ZNF568: variants seen among roughly 807,000 people sequenced by gnomAD.
ZNF568 encodes the protein zinc finger protein 568.
Under a neutral mutation model 18.1 loss-of-function variants are expected in ZNF568, and 11 were observed. The ratio of observed to expected loss-of-function variants is 0.61; its 90% CI spans 0.38 to 1.00. The LOEUF is 1.00. ZNF568 is among the 50% of genes least tolerant of loss of function. The pLI is 0.01. For missense variants in ZNF568, 639 were observed against 768.2 expected (o/e 0.83, Z 1.99); for synonymous variants, 213 against 246.6 (o/e 0.86, Z 1.28).
chr19:36,928,307 A>C (rs1449119725), intron 4 of ZNF568, among the ~76,000 whole-genome samples: 1 of 152,114 alleles, frequency 6.6e-6, no homozygotes, highest in Admixed American at 6.6e-5. Flanking sequence ...AAACAATCAG[A>C]TCTATAGAGC....
In ZNF568 at chr19:36,936,826, G is replaced by A. The variant is rs765742525; in HGVS notation, c.216G>A (p.Leu72=). The change falls in exon 5 of 7, where the codon TTG becomes TTA. Residue 72 remains leucine, a synonymous_variant. Transcript: ENST00000333987. The stretch of plus-strand genomic sequence containing the variant: ...AAATGAAACCTGCTCAAAGAAACTT[G>A]TATCGAGATGTGATGCTGGAGAACT... ...WEQMKPAQRN[L]YRDVMLENYS... 1.9e-6 allele frequency: 3 copies of A among 1,613,940 alleles called. No homozygotes were observed. The highest frequency in any genetic ancestry group is 2.2e-5 in the South Asian group (2 of 91,070).
At chr19:36,954,095 A>G (rs894539804), downstream of ZNF568, among the ~76,000 whole-genome samples, 3 of 149,446 alleles carry the variant, frequency 2.0e-5, no homozygotes, top group Non-Finnish European at 3.0e-5. Context: ...GTGGTGGTGC[A>G]TGCCTGTAAT....
At chr19:36,965,240 G>A (rs979385804) in intron 6 of ZNF568, among the ~76,000 whole-genome samples, 13 of 152,202 alleles carry the variant, frequency 8.5e-5, no homozygotes, top group Non-Finnish European at 1.5e-4. Context: ...GATTCATGCT[G>A]TTATAAAAGG....
At chr19:36,966,367 T>A (rs554815010) in intron 6 of ZNF568, among the ~76,000 whole-genome samples, 1 of 152,272 alleles carries the variant, frequency 6.6e-6, no homozygotes, top group East Asian at 1.9e-4. Context: ...TGCCTTAGTC[T>A]CCCAAAGTAT....
rs1469198869 is a variant in ZNF568 at position 36,949,965 on chromosome 19, T to C, written c.812T>C (p.Ile271Thr). 6.2e-7 allele frequency: 1 copy of C among 1,613,720 alleles called. No individual in the cohort carries two copies. Among genetic ancestry groups the C allele is most frequent in the East Asian group, 2.2e-5 (1 of 44,834 alleles). ...RKENLITHQK[I>T]HTGEKPYKCN... ...GAAAATCTTATTACACATCAGAAAA[T>C]TCATACTGGGGAAAAACCGTATAAG... is the stretch of plus-strand genomic sequence containing the variant. Residue 271 changes from isoleucine (I) to threonine (T), a missense_variant, in exon 7 of 7, where the codon ATT becomes ACT. Physicochemically the swap from Ile to Thr is moderately conservative, Grantham distance 89. Coordinates refer to ENST00000333987, the MANE Select transcript of ZNF568 (RefSeq NM_198539.4).
At position 36,951,079 on chromosome 19, in the gene ZNF568, AG is replaced by A; in HGVS notation, c.1927del (p.Val643TyrfsTer4). On this transcript the variant is annotated frameshift_variant, in exon 7 of 7. Transcript: ENST00000333987. LOFTEE classifies it high-confidence loss of function. ...GAGGTCATACAGGTGAGAGACACCA[AG>A]TATATTAAATGAAAGAAGGCCTCTT... ...KRGHTGERHQ[V>X]Y 6.6e-7 allele frequency: 1 copy of A among 1,517,478 alleles called. No individual in the cohort carries two copies. Among genetic ancestry groups the A allele is most frequent in the South Asian group, 1.4e-5 (1 of 73,322 alleles). The allele number at this position is 1,517,478 out of a possible 1,614,324, so 94.0% of individuals were successfully genotyped here. A position where few individuals can be genotyped will look rare whatever the true frequency, so the allele number is the denominator to read the frequency against.
chr19:36,988,422 C>A (rs1030049963), intron 2 of ZNF568, among the ~76,000 whole-genome samples: 1 of 152,196 alleles, frequency 6.6e-6, no homozygotes, highest in Non-Finnish European at 1.5e-5. Context: ...GCATCTGCTC[C>A]GCTTCTGGGG....
At chr19:36,937,070 A>G in intron 5 of ZNF568, 77 bp from the exon 6 acceptor site, 1 of 1,480,892 alleles carries the variant, frequency 6.8e-7, no homozygotes. Flanking sequence ...ATAAGCCCTC[A>G]AGCTTGGACT....
At chr19:36,944,385 C>T (rs950799344) in intron 6 of ZNF568, among the ~76,000 whole-genome samples, 1 of 143,578 alleles carries the variant, frequency 7.0e-6, no homozygotes, top group African/African-American at 2.6e-5. Context: ...ACAACAAGAG[C>T]AAAACTCCAT....
rs535970188 is a variant in ZNF568 at position 36,950,686 on chromosome 19, T to C, written c.1533T>C (p.Phe511=). The part of the protein sequence containing the change: ...PYACTVCGKA[F]SQKSNLTEHE... ...CATGTACAGTATGTGGAAAAGCCTT[T>C]AGTCAGAAATCAAACCTCACTGAAC... is the stretch of plus-strand genomic sequence containing the variant. Residue 511 remains phenylalanine, a synonymous_variant, in exon 7 of 7, where the codon TTT becomes TTC. Coordinates refer to ENST00000333987, the MANE Select transcript of ZNF568 (RefSeq NM_198539.4). 2 of 1,613,800 alleles carry C rather than the reference T, an allele frequency of 1.2e-6. No individual in the cohort carries two copies. Among genetic ancestry groups the C allele is most frequent in the African/African-American group, 1.3e-5 (1 of 74,996 alleles).
chr19:36,939,078 A>T (rs2073836379), intron 6 of ZNF568, among the ~76,000 whole-genome samples: 1 of 151,992 alleles, frequency 6.6e-6, no homozygotes, highest in Admixed American at 6.6e-5. Flanking sequence ...CCTCACACTG[A>T]CCTCCTTTAT....
chr19:36,940,970 AT>A (rs2073870444), intron 6 of ZNF568, among the ~76,000 whole-genome samples: 1 of 152,200 alleles, frequency 6.6e-6, no homozygotes, highest in Non-Finnish European at 1.5e-5. Context: ...TGAGTTTTCC[AT>A]TGTAGAGTCA....
chr19:36,927,878 A>G (rs1277103342), intron 4 of ZNF568, among the ~76,000 whole-genome samples: 2 of 54,476 alleles, frequency 3.7e-5, no homozygotes, highest in African/African-American at 1.2e-4. Flanking sequence ...ATATATATAT[A>G]TATATATATT....
At chr19:36,974,158 G>GTC (rs1288028456) in intron 6 of ZNF568, among the ~76,000 whole-genome samples, 1 of 152,182 alleles carries the variant, frequency 6.6e-6, no homozygotes, top group African/African-American at 2.4e-5. Flanking sequence ...TTTGGGCTCA[G>GTC]TGTAAGACGC....
At position 36,988,412 on chromosome 19, in the gene ZNF568, G is replaced by A. The variant is rs529914204; in HGVS notation, c.10-2764G>A. 7.9e-5 allele frequency among the ~76,000 whole-genome samples: 12 copies of A among 152,306 alleles called. No individual in the cohort carries two copies. In the South Asian group the frequency reaches 2.3e-3, roughly 29 times the overall value. On this transcript the variant is annotated intron_variant, in intron 2 of 4. Coordinates refer to the ZNF568 transcript ENST00000433993. ...AGGCTGTTCAGGAAGCATGATGCTG[G>A]CATCTGCTCCGCTTCTGGGGGTGCT...
In ZNF568 at chr19:36,951,007, A is replaced by C; in HGVS notation, c.1854A>C (p.Glu618Asp). 6.2e-7 allele frequency: 1 copy of C among 1,613,088 alleles called. No individual in the cohort carries two copies. The highest frequency in any genetic ancestry group is 8.5e-7 in the Non-Finnish European group (1 of 1,179,606). Residue 618 changes from glutamate (E) to aspartate (D), a missense_variant, in exon 7 of 7, where the codon GAA becomes GAC. Physicochemically the swap from Glu to Asp is conservative, Grantham distance 45. Coordinates refer to ENST00000333987, the MANE Select transcript of ZNF568 (RefSeq NM_198539.4). Reference protein sequence around the residue: ...HTGEKPFECNECGKAFSQRAS... With the variant: ...HTGEKPFECNDCGKAFSQRAS... ...GTGAGAAACCCTTTGAATGTAATGAATGTGGGAAAGCATTCTCTCAAAGAG... is the reference window on the plus strand; with the variant it reads ...GTGAGAAACCCTTTGAATGTAATGACTGTGGGAAAGCATTCTCTCAAAGAG...
intron 4 of ZNF568, among the ~76,000 whole-genome samples, chr19:36,931,058 C>T (rs1298505682): frequency 6.6e-6 from 1 of 152,138 alleles, no homozygotes; most frequent in African/African-American, 2.4e-5. Flanking sequence ...GGCATCTCTG[C>T]TTTGGGCTGC....
chr19:36,991,752 G>C, exon 4 of ZNF568: 1 of 1,566,818 alleles, frequency 6.4e-7, no homozygotes, highest in African/African-American at 1.3e-5. Context: ...TTTGAGCAGG[G>C]CTTTCTGATA....
chr19:36,950,307 C>A lies in ZNF568; in HGVS notation c.1154C>A (p.Thr385Lys). 1.2e-6 allele frequency: 2 copies of A among 1,614,044 alleles called. No homozygotes were observed. Among genetic ancestry groups the A allele is most frequent in the Non-Finnish European group, 1.7e-6 (2 of 1,179,982 alleles). ...SSVTLHMRSH[T>K]GEKPYKCNKC... Reference sequence around the variant, plus strand: ...GTTACGCTACATATGAGAAGTCACACAGGGGAGAAACCCTATAAATGTAAT... The same window carrying A: ...GTTACGCTACATATGAGAAGTCACAAAGGGGAGAAACCCTATAAATGTAAT... The change falls in exon 7 of 7, where the codon ACA becomes AAA. Residue 385 changes from threonine to lysine, a missense_variant. Thr to Lys is a moderately conservative substitution (Grantham distance 78, BLOSUM62 -1). Transcript: ENST00000333987.
Sources: allele counts gnomAD v4.1 joint callset (sites outside exome capture counted in the v4.1 genomes callset), GRCh38; gene constraint gnomAD v4.1.1; transcripts MANE v1.5; gene names NCBI Gene and HGNC (gene_info 2026-07-23, HGNC 2026-07-21).